The following ACBD6 variants were observed in gnomAD, a reference collection of about 807,000 sequenced individuals.
ACBD6 encodes acyl-CoA binding domain containing 6.
Under a neutral mutation model 37.2 loss-of-function variants are expected in ACBD6, and 28 were observed. The ratio of observed to expected loss-of-function variants is 0.75; its 90% CI spans 0.56 to 1.03. The LOEUF is 1.03. ACBD6 is among the 50% of genes least tolerant of loss of function. The probability of loss-of-function intolerance (pLI) is 0.00; values close to 1 mark genes in which losing one functional copy is unlikely to be tolerated. For synonymous variants in ACBD6, 113 were observed against 126.8 expected (o/e 0.89, Z 0.73); for missense variants, 340 against 337.4 (o/e 1.01, Z -0.06).
At chr1:180,415,704 C>T (rs566234723) in intron 4 of ACBD6, among the ~76,000 whole-genome samples, 4 of 152,166 alleles carry the variant, frequency 2.6e-5, no homozygotes, top group African/African-American at 9.7e-5. Flanking sequence ...TATATGTAAG[C>T]GTTATTCACA....
At chr1:180,377,982 T>TAAC (rs1172045455) in intron 6 of ACBD6, among the ~76,000 whole-genome samples, 2 of 149,004 alleles carry the variant, frequency 1.3e-5, no homozygotes, top group Non-Finnish European at 1.5e-5. Context: ...ATAATAATAA[T>TAAC]AGCCATAAGT....
intron 3 of ACBD6, among the ~76,000 whole-genome samples, chr1:180,480,427 T>C (rs1650984023): frequency 6.6e-6 from 1 of 152,194 alleles, no homozygotes; most frequent in Non-Finnish European, 1.5e-5. Context: ...TAAGAAAAGA[T>C]TCAGGGATCA....
intron 7 of ACBD6, among the ~76,000 whole-genome samples, chr1:180,309,171 T>A (rs1650496208): frequency 6.6e-6 from 1 of 152,180 alleles, no homozygotes; most frequent in South Asian, 2.1e-4. Flanking sequence ...TATAGATATA[T>A]TCATGGCAGC....
At chr1:180,408,079 G>T (rs913387677) in intron 5 of ACBD6, among the ~76,000 whole-genome samples, 6 of 152,268 alleles carry the variant, frequency 3.9e-5, no homozygotes, top group African/African-American at 1.4e-4. Context: ...AGCATTATCA[G>T]AATATATAAA....
intron 13 of ACBD6, chr1:180,272,101 TGGCA>T: frequency 8.8e-7 from 1 of 1,134,030 alleles, no homozygotes; most frequent in Admixed American, 2.7e-5. Flanking sequence ...CTTGAGGCCT[TGGCA>T]ACTCCCTCCT....
chr1:180,416,225 T>C (rs1209722230), intron 4 of ACBD6, among the ~76,000 whole-genome samples: 4 of 152,110 alleles, frequency 2.6e-5, no homozygotes, highest in African/African-American at 9.7e-5. Context: ...TGAAGAAACA[T>C]CTACAGCAAT....
At chr1:180,412,567 T>C (rs1647902985) in intron 5 of ACBD6, among the ~76,000 whole-genome samples, 1 of 152,058 alleles carries the variant, frequency 6.6e-6, no homozygotes, top group Admixed American at 6.6e-5. Context: ...ACAACACAAA[T>C]AAATTAAGAA....
intron 3 of ACBD6, among the ~76,000 whole-genome samples, chr1:180,477,488 T>C (rs1385343470): frequency 5.9e-5 from 9 of 152,200 alleles, no homozygotes; most frequent in South Asian, 2.1e-4. Context: ...TACCTCTATA[T>C]GGAGGTTAAT....
chr1:180,422,946 G>T (rs781441531), intron 4 of ACBD6, among the ~76,000 whole-genome samples: 1 of 152,134 alleles, frequency 6.6e-6, no homozygotes, highest in Non-Finnish European at 1.5e-5. Flanking sequence ...ATGCAGTTAT[G>T]ATTTAATACT....
intron 6 of ACBD6, among the ~76,000 whole-genome samples, chr1:180,321,760 C>T (rs542005761): frequency 8.6e-5 from 13 of 151,990 alleles, no homozygotes; most frequent in South Asian, 2.1e-4. Context: ...AATTGTTTTA[C>T]GGTGGAGTCT....
chr1:180,385,590 G>C (rs556254392), intron 6 of ACBD6, among the ~76,000 whole-genome samples: 1 of 151,856 alleles, frequency 6.6e-6, no homozygotes, highest in African/African-American at 2.4e-5. Flanking sequence ...ATAAAGGTGG[G>C]GCCTTAACGT....
chr1:180,372,791 A>G (rs1479703935), intron 6 of ACBD6, among the ~76,000 whole-genome samples: 1 of 152,262 alleles, frequency 6.6e-6, no homozygotes, highest in East Asian at 1.9e-4. Context: ...ATGGGTACAG[A>G]CTGAACATCA....
At chr1:180,444,290 A>G (rs1224708626) in intron 3 of ACBD6, among the ~76,000 whole-genome samples, 1 of 151,454 alleles carries the variant, frequency 6.6e-6, no homozygotes, top group African/African-American at 2.4e-5. Flanking sequence ...TCTCTCCAAA[A>G]AAAAAAAAAA....
intron 3 of ACBD6, among the ~76,000 whole-genome samples, chr1:180,472,536 GT>G (rs1048371211): frequency 5.9e-5 from 9 of 152,080 alleles, no homozygotes; most frequent in African/African-American, 2.2e-4. Flanking sequence ...GTGTGCGGGG[GT>G]GCGGGTGTGT....
intron 6 of ACBD6, among the ~76,000 whole-genome samples, chr1:180,348,677 A>G (rs554294559): frequency 5.9e-5 from 9 of 152,328 alleles, no homozygotes; most frequent in African/African-American, 1.9e-4. Context: ...TAGAATGGAG[A>G]AGTAAATTGT....
chr1:180,377,432 T>G (rs1162560496), intron 6 of ACBD6, among the ~76,000 whole-genome samples: 1 of 152,196 alleles, frequency 6.6e-6, no homozygotes, highest in Non-Finnish European at 1.5e-5. Flanking sequence ...TTAAACACAT[T>G]TTCTAATAAA....
intron 7 of ACBD6, among the ~76,000 whole-genome samples, chr1:180,294,364 C>A (rs1475729226): frequency 6.6e-6 from 1 of 151,736 alleles, no homozygotes; most frequent in Non-Finnish European, 1.5e-5. Flanking sequence ...CATGGTGAAA[C>A]CCTGTCTGTA....
chr1:180,325,753 T>A (rs772801043), intron 6 of ACBD6, among the ~76,000 whole-genome samples: 23 of 152,232 alleles, frequency 1.5e-4, no homozygotes, highest in Non-Finnish European at 2.6e-4. Flanking sequence ...CCAAGCCGAA[T>A]AACACTGTGG....
At chr1:180,277,778 G>C (rs1041971484) in intron 9 of ACBD6, 4 of 151,672 alleles carry the variant, frequency 2.6e-5, no homozygotes, top group Admixed American at 2.6e-4. Context: ...AACTATCATT[G>C]ATAACACTGT....
Sources: gnomAD v4.1 joint callset for allele counts (sites outside exome capture counted in the v4.1 genomes callset) on GRCh38, gnomAD v4.1.1 for gene constraint, MANE v1.5 for transcripts, NCBI Gene and HGNC (gene_info 2026-07-23, HGNC 2026-07-21) for gene names.